SPTAN1: variants seen among roughly 807,000 people sequenced by gnomAD.
The protein encoded by SPTAN1 is spectrin alpha chain, non-erythrocytic 1.
A neutral mutation model predicts 331.3 loss-of-function variants in SPTAN1; 61 were observed. The observed-to-expected ratio is 0.18, with a 90% confidence interval of 0.15 to 0.23. The LOEUF is 0.23. SPTAN1 is among the 10% of genes least tolerant of loss of function. The pLI is 1.00. For missense variants in SPTAN1, 2,043 were observed against 3,147.9 expected (o/e 0.65, Z 8.40); for synonymous variants, 1,153 against 1,173.9 (o/e 0.98, Z 0.36).
Position 128,632,580 on chromosome 9 carries a change from A to T in SPTAN1, c.7022A>T (p.Asp2341Val). 6.2e-7 allele frequency: 1 copy of T among 1,614,076 alleles called. No individual in the cohort carries two copies. The highest frequency in any genetic ancestry group is 8.5e-7 in the Non-Finnish European group (1 of 1,180,042). The change falls in exon 55 of 57, where the codon GAC (aspartate) becomes GTC (valine). Residue 2341 changes from aspartate (D) to valine (V), a missense_variant. Physicochemically the swap from Asp to Val is radical, Grantham distance 152. Transcript: ENST00000372739. Reference sequence around the variant, plus strand: ...TCGGCTTTGTGCTGCAGACACTTTGACAAGGACAAGTCTGGCAGGCTGAAC... The same window carrying T: ...TCGGCTTTGTGCTGCAGACACTTTGTCAAGGACAAGTCTGGCAGGCTGAAC... ...KEFSMMFKHF[D>V]KDKSGRLNHQ... is the part of the protein sequence containing the mutation.
intron 10 of SPTAN1, 132 bp from the exon 11 acceptor site, chr9:128,580,790 C>A: frequency 1.6e-6 from 2 of 1,241,708 alleles, no homozygotes; most frequent in South Asian, 2.5e-5. Flanking sequence ...TGTTGTTTTT[C>A]CCCTTTTGCA....
At chr9:128,596,926 G>A (rs971748546) in intron 24 of SPTAN1, among the ~76,000 whole-genome samples, 20 of 152,120 alleles carry the variant, frequency 1.3e-4, no homozygotes, top group South Asian at 6.2e-4. Flanking sequence ...TTGGGAGGCC[G>A]AGGCAGGCAG....
intron 2 of SPTAN1, among the ~76,000 whole-genome samples, 200 bp downstream of exon 2, chr9:128,567,177 A>T (rs1850131054): frequency 6.6e-6 from 1 of 152,208 alleles, no homozygotes; most frequent in Admixed American, 6.5e-5. Flanking sequence ...TCTTTTCTGG[A>T]TGCTTTAAAC....
At chr9:128,609,620 G>A (rs773114282) in intron 36 of SPTAN1, 31 bp from the exon 37 acceptor site, 3 of 1,517,880 alleles carry the variant, frequency 2.0e-6, no homozygotes, top group Non-Finnish European at 2.6e-6. Flanking sequence ...TCAGTGTACT[G>A]AACTCTTGTT....
At chr9:128,562,289 G>A (rs1849465680) in intron 1 of SPTAN1, among the ~76,000 whole-genome samples, 1 of 152,168 alleles carries the variant, frequency 6.6e-6, no homozygotes, top group African/African-American at 2.4e-5. Context: ...TTTTAGTAGA[G>A]ATGTGGTTTC....
In SPTAN1 at chr9:128,577,654, G is replaced by C. The variant is rs912683805; in HGVS notation, c.1085+148G>C. On this transcript the variant is annotated intron_variant, in intron 8 of 56. Coordinates refer to ENST00000372739, the MANE Select transcript of SPTAN1 (RefSeq NM_001130438.3). The surrounding 1 kb of genome is among the most constrained non-coding windows in gnomAD (Gnocchi z 4.2). ...ATCACTTCTTACCTATGTTCTCTCT[G>C]TTTGGAGACTGGCAACTGTATCATG... 1.2e-4 allele frequency: 129 copies of C among 1,098,050 alleles called. No individual in the cohort carries two copies. Among genetic ancestry groups the C allele is most frequent in the Middle Eastern group, 2.8e-4 (1 of 3,522 alleles). 68.0% of individuals were successfully genotyped at this position (1,098,050 alleles called of 1,614,324 possible). A position where few individuals can be genotyped will look rare whatever the true frequency, so the allele number is the denominator to read the frequency against.
chr9:128,585,604 C>CA (rs960839281), intron 18 of SPTAN1, 144 bp from the exon 19 acceptor site: 23 of 745,826 alleles, frequency 3.1e-5, no homozygotes, highest in South Asian at 6.0e-5. Flanking sequence ...CTGAGCCTCT[C>CA]AAAAAAAATG....
chr9:128,608,323 G>A, intron 34 of SPTAN1, 47 bp downstream of exon 34: 13 of 1,612,572 alleles, frequency 8.1e-6, no homozygotes, highest in Non-Finnish European at 1.1e-5. Flanking sequence ...TTTCCTGATT[G>A]ACATCTGTTT....
rs1860168240 is a variant in SPTAN1, at chr9:128,633,444, TGGAATAAGACTTA to T, written c.*114_*126del. The T allele has an allele frequency of 1.3e-6, 2 of 1,564,562 alleles. No individual in the cohort carries two copies. Among genetic ancestry groups the T allele is most frequent in the Non-Finnish European group, 1.7e-6 (2 of 1,145,834 alleles). Reference sequence around the variant, plus strand: ...ACTGTAACCTTAAGCCTGCTTAGCTTGGAATAAGACTTAGGAGAAAATGGTGCTTCACTAACCC... The same window carrying T: ...ACTGTAACCTTAAGCCTGCTTAGCTTGGAGAAAATGGTGCTTCACTAACCC... On this transcript the variant is annotated 3_prime_UTR_variant, in exon 57 of 57. Coordinates refer to ENST00000372739, the MANE Select transcript of SPTAN1 (RefSeq NM_001130438.3).
chr9:128,568,745 G>A (rs763106093), intron 2 of SPTAN1, 27 bp from the exon 3 acceptor site: 6 of 1,613,510 alleles, frequency 3.7e-6, no homozygotes, highest in Non-Finnish European at 4.2e-6. Flanking sequence ...GGTTGCGTCT[G>A]AGGCTCACTT....
rs963566714 is a variant in SPTAN1 at position 128,577,069 on chromosome 9, G to A, written c.786-60G>A. 6.2e-7 allele frequency: 1 copy of A among 1,613,862 alleles called. No homozygotes were observed. Among genetic ancestry groups the A allele is most frequent in the African/African-American group, 1.3e-5 (1 of 74,936 alleles). The stretch of plus-strand genomic sequence containing the variant: ...GCTGACTAGGCCTTGGTCCCATGGG[G>A]TGTTCCTAGTTCTAGGGAGTCATCA... On this transcript the variant is annotated intron_variant, in intron 6 of 56. Transcript: ENST00000372739. This position sits in a 1 kb window ranked among gnomAD's most constrained non-coding sequence, Gnocchi z 4.2.
chr9:128,560,884 C>T (rs1203590544), intron 1 of SPTAN1, among the ~76,000 whole-genome samples: 1 of 151,644 alleles, frequency 6.6e-6, no homozygotes, highest in African/African-American at 2.4e-5. Context: ...CGTGTGGTGG[C>T]GGGTGCCTGT....
Position 128,587,691 on chromosome 9 carries a change from C to T in SPTAN1, c.2864C>T (p.Ser955Phe). The T allele has an allele frequency of 6.2e-7, 1 of 1,614,040 alleles. No individual in the cohort carries two copies. The highest frequency in any genetic ancestry group is 8.5e-7 in the Non-Finnish European group (1 of 1,179,946). ...CAGGCTTTGCGAGAACAAGCACAGTCCTGCCGGGTAAACTTGTAACAGTTT... is the reference window on the plus strand; with the variant it reads ...CAGGCTTTGCGAGAACAAGCACAGTTCTGCCGGGTAAACTTGTAACAGTTT... The part of the protein sequence containing the change: ...SIQALREQAQ[S>F]CRQQVAPTDD... Residue 955 changes from serine (S) to phenylalanine (F), a missense_variant, in exon 20 of 57, where the codon TCC becomes TTC. Around this residue, in one of 12 missense-constraint regions of SPTAN1, gnomAD observed 1,038 missense variants for 1,531.5 expected, o/e 0.68. Coordinates refer to ENST00000372739, the MANE Select transcript of SPTAN1 (RefSeq NM_001130438.3).
At chr9:128,605,621 A>G in intron 31 of SPTAN1, 144 bp downstream of exon 31, 3 of 1,039,628 alleles carry the variant, frequency 2.9e-6, no homozygotes, top group Admixed American at 2.1e-5. Flanking sequence ...AGGCAAGCGA[A>G]TTGCTTGAAC....
At chr9:128,559,658 G>T (rs962311035) in intron 1 of SPTAN1, among the ~76,000 whole-genome samples, 3 of 151,974 alleles carry the variant, frequency 2.0e-5, no homozygotes, top group Non-Finnish European at 4.4e-5. Flanking sequence ...TTTCCTGAGG[G>T]TTGAGAACAA....
chr9:128,562,837 CG>C (rs1849533430), intron 1 of SPTAN1, among the ~76,000 whole-genome samples: 1 of 151,492 alleles, frequency 6.6e-6, no homozygotes, highest in Non-Finnish European at 1.5e-5. Flanking sequence ...TGATGGCAGG[CG>C]CCTGTGGTCC....
Position 128,604,401 on chromosome 9 carries a change from G to GT in SPTAN1, c.3704dup (p.Gln1236ThrfsTer8). The GT allele has an allele frequency of 6.2e-7, 1 of 1,613,730 alleles. No homozygotes were observed. Among genetic ancestry groups the GT allele is most frequent in the African/African-American group, 1.3e-5 (1 of 75,060 alleles). On this transcript the variant is annotated frameshift_variant, in exon 29 of 57. Transcript: ENST00000372739. LOFTEE classifies it high-confidence loss of function. ...CCAGCTCTTGGGCAGCGCCCATGAA[G>GT]TACAGAGGTTCCACAGGTGAGGGGT...
chr9:128,576,473 T>C (rs1465253693), intron 5 of SPTAN1, among the ~76,000 whole-genome samples: 4 of 152,208 alleles, frequency 2.6e-5, no homozygotes, highest in Non-Finnish European at 2.9e-5. Flanking sequence ...CATGAACATC[T>C]GAAATACCAA....
At chr9:128,599,117 T>C (rs1854708287) in intron 26 of SPTAN1, 131 bp downstream of exon 26, 2 of 943,720 alleles carry the variant, frequency 2.1e-6, no homozygotes, top group Non-Finnish European at 1.8e-6. Flanking sequence ...GTGTAAAGAT[T>C]TGTGGAAAAC....
Sources: gnomAD v4.1 joint callset for allele counts (sites outside exome capture counted in the v4.1 genomes callset) on GRCh38, gnomAD v4.1.1 for gene constraint, gnomAD v4.1.1 regional missense constraint, Gnocchi (gnomAD v3.1) non-coding constraint, MANE v1.5 for transcripts, NCBI Gene and HGNC (gene_info 2026-07-23, HGNC 2026-07-21) for gene names.